The following SLC4A5 variants were observed in gnomAD, a reference collection of about 807,000 sequenced individuals.
The protein encoded by SLC4A5 is solute carrier family 4 member 5.
A neutral mutation model predicts 120.4 loss-of-function variants in SLC4A5; 96 were observed. The ratio of observed to expected loss-of-function variants is 0.80; its 90% CI spans 0.68 to 0.94. The LOEUF is 0.94. Ranked by LOEUF, SLC4A5 falls within the 40% of genes least tolerant of loss-of-function variation. The probability of loss-of-function intolerance (pLI) is 0.00; values close to 1 mark genes in which losing one functional copy is unlikely to be tolerated. For missense variants in SLC4A5, 1,259 were observed against 1,459.5 expected (o/e 0.86, Z 2.24); for synonymous variants, 550 against 571.1 (o/e 0.96, Z 0.53).
At chr2:74,239,272 C>A in intron 21 of SLC4A5, 63 bp downstream of exon 21, 1 of 1,530,160 alleles carries the variant, frequency 6.5e-7, no homozygotes, top group Non-Finnish European at 9.0e-7. Context: ...GACCAGAACC[C>A]TCTCTGGGGG....
chr2:74,248,197 G>A (rs1385863638), intron 18 of SLC4A5, among the ~76,000 whole-genome samples, 156 bp downstream of exon 18: 3 of 152,214 alleles, frequency 2.0e-5, no homozygotes, highest in African/African-American at 4.8e-5. Context: ...GCTGGCAGGA[G>A]TCAGGAGGGG....
In SLC4A5 at chr2:74,314,835, G is replaced by A. The variant is rs1279211038; in HGVS notation, c.79+110C>T. 1.2e-5 allele frequency: 12 copies of A among 1,005,096 alleles called. No homozygotes were observed. In the East Asian group the frequency reaches 2.9e-4, roughly 24 times the overall value. The allele number at this position is 1,005,096 out of a possible 1,614,324, so 62.3% of individuals were successfully genotyped here. On this transcript the variant is annotated intron_variant, in intron 6 of 30. Coordinates refer to ENST00000394019, the Ensembl canonical transcript of SLC4A5. The stretch of plus-strand genomic sequence containing the variant: ...CAAGGAGACACTGTGGATGAGTCAG[G>A]AAAAGGGACCTGCTCCCTAGACTCT...
intron 21 of SLC4A5, among the ~76,000 whole-genome samples, chr2:74,237,078 G>A (rs948988535): frequency 6.6e-5 from 10 of 150,940 alleles, no homozygotes; most frequent in Non-Finnish European, 1.5e-4. Flanking sequence ...CCGGGTTCAT[G>A]CCATTCTCCT....
intron 5 of SLC4A5, among the ~76,000 whole-genome samples, chr2:74,320,939 A>G (rs1470597691): frequency 6.6e-6 from 1 of 152,246 alleles, no homozygotes; most frequent in African/African-American, 2.4e-5. Flanking sequence ...CTCAACTGTG[A>G]GCAATATTTA....
intron 7 of SLC4A5, chr2:74,290,444 A>G: frequency 1.0e-6 from 1 of 985,512 alleles, no homozygotes; most frequent in Non-Finnish European, 1.2e-6. Flanking sequence ...AAAAAGAGAG[A>G]GAGAAAAGGA....
intron 11 of SLC4A5, 58 bp downstream of exon 11, chr2:74,262,079 T>A: frequency 6.6e-7 from 1 of 1,515,720 alleles, no homozygotes; most frequent in African/African-American, 1.4e-5. Context: ...AATGTGGCCA[T>A]GTCACAGCTG....
intron 6 of SLC4A5, chr2:74,307,290 T>A: frequency 1.1e-5 from 6 of 528,608 alleles, no homozygotes; most frequent in African/African-American, 3.8e-5. Flanking sequence ...ATCAACGTCC[T>A]AAGATTTGGG....
intron 15 of SLC4A5, 55 bp downstream of exon 15, chr2:74,252,919 A>G (rs1670837715): frequency 8.8e-6 from 14 of 1,583,582 alleles, no homozygotes; most frequent in Non-Finnish European, 1.2e-5. Context: ...ATAAAATGAT[A>G]CCGACAGAGT....
chr2:74,235,149 G>A (rs775757616), exon 22 of SLC4A5: 12 of 1,614,140 alleles, frequency 7.4e-6, no homozygotes, highest in Non-Finnish European at 1.0e-5. Flanking sequence ...GGCCAAAACA[G>A]GCATCGATTC....
chr2:74,325,684 C>T (rs2104326821), intron 5 of SLC4A5, among the ~76,000 whole-genome samples: 1 of 152,278 alleles, frequency 6.6e-6, no homozygotes, highest in South Asian at 2.1e-4. Context: ...TGAATCCTCA[C>T]TATAATTCAG....
At chr2:74,252,070 G>A (rs1670808180) in intron 16 of SLC4A5, 109 bp downstream of exon 16, 5 of 1,174,590 alleles carry the variant, frequency 4.3e-6, no homozygotes, top group South Asian at 1.4e-5. Context: ...AGGCAGGGGT[G>A]ACCTCGAGTG....
chr2:74,221,378 C>T (rs1222437489), intron 30 of SLC4A5, 56 bp downstream of exon 30: 10 of 1,370,458 alleles, frequency 7.3e-6, no homozygotes, highest in South Asian at 3.6e-5. Flanking sequence ...TCCACCTTCC[C>T]GGCCATTTCC....
chr2:74,302,885 G>A (rs1272383927), intron 7 of SLC4A5, among the ~76,000 whole-genome samples: 3 of 152,174 alleles, frequency 2.0e-5, no homozygotes, highest in African/African-American at 7.2e-5. Flanking sequence ...GAGAGGTGGT[G>A]AGGTGACAGG....
intron 5 of SLC4A5, among the ~76,000 whole-genome samples, chr2:74,315,881 T>C (rs1672952295): frequency 6.6e-6 from 1 of 151,980 alleles, no homozygotes. Context: ...TAAAATATAG[T>C]TGAGAATTTA....
At chr2:74,297,509 T>C (rs376853099) in intron 7 of SLC4A5, among the ~76,000 whole-genome samples, 25 of 152,224 alleles carry the variant, frequency 1.6e-4, no homozygotes, top group South Asian at 6.2e-4. Context: ...CACACCCCAG[T>C]TGGGCTTGAC....
At chr2:74,327,465 C>T (rs550383452) in intron 5 of SLC4A5, among the ~76,000 whole-genome samples, 1 of 152,320 alleles carries the variant, frequency 6.6e-6, no homozygotes, top group African/African-American at 2.4e-5. Flanking sequence ...ACCCTCTCAA[C>T]CCCTAGCTTG....
At chr2:74,280,275 G>A in intron 8 of SLC4A5, among the ~76,000 whole-genome samples, 1 of 151,884 alleles carries the variant, frequency 6.6e-6, no homozygotes, top group East Asian at 1.9e-4. Context: ...CATCCTTCAG[G>A]TCTCAATGTG....
At chr2:74,338,594 G>A (rs1009911088) in intron 3 of SLC4A5, among the ~76,000 whole-genome samples, 1 of 152,100 alleles carries the variant, frequency 6.6e-6, no homozygotes, top group South Asian at 2.1e-4. Context: ...TGAGGTGGGT[G>A]GATCACTTGA....
intron 16 of SLC4A5, chr2:74,250,897 G>A: frequency 5.4e-6 from 1 of 184,398 alleles, no homozygotes; most frequent in African/African-American, 2.3e-5. Context: ...CTAACTTTCG[G>A]TGACAGAAGC....
Sources: gnomAD v4.1 joint callset for allele counts (sites outside exome capture counted in the v4.1 genomes callset) on GRCh38, gnomAD v4.1.1 for gene constraint, MANE v1.5 for transcripts, NCBI Gene and HGNC (gene_info 2026-07-23, HGNC 2026-07-21) for gene names.